Variants in RYR1 observed in about 807,000 individuals in gnomAD.
RYR1 encodes the protein central core disease of muscle.
In RYR1, 342 loss-of-function variants were observed where a neutral mutation model predicts 583.5. The ratio of observed to expected loss-of-function variants is 0.59; its 90% CI spans 0.54 to 0.64. The LOEUF (loss-of-function observed/expected upper bound fraction) is 0.64, where lower values mean the gene tolerates loss of function less well. RYR1 is among the 30% of genes least tolerant of loss of function. The pLI is 0.00. For synonymous variants in RYR1, 2,791 were observed against 2,822.5 expected (o/e 0.99, Z 0.35); for missense variants, 6,032 against 6,917.2 (o/e 0.87, Z 4.54).
intron 16 of RYR1, 108 bp downstream of exon 16, chr19:38,455,859 C>G (rs1967348935): frequency 1.7e-5 from 13 of 755,540 alleles, no homozygotes; most frequent in Non-Finnish European, 3.1e-5. Context: ...CATCTCATCT[C>G]TCACCTGTAC....
Position 38,572,015 on chromosome 19 carries a change from T to G in RYR1, c.13747-4T>G, listed in dbSNP as rs1287127447. On this transcript the variant is annotated splice_polypyrimidine_tract_variant and splice_region_variant and intron_variant, in intron 94 of 105. Coordinates refer to ENST00000359596, the MANE Select transcript of RYR1 (RefSeq NM_000540.3). ...CCACAGATGAATCTCTGTCCCCATT[T>G]CAGGTCTCAGACTCTCCACCAGGGG... 1.2e-6 allele frequency: 2 copies of G among 1,613,784 alleles called. No homozygotes were observed. Among genetic ancestry groups the G allele is most frequent in the African/African-American group, 1.3e-5 (1 of 74,898 alleles).
Position 38,500,788 on chromosome 19 carries a change from G to A in RYR1, c.7445-33G>A. 1 of 1,613,958 alleles carries A rather than the reference G, an allele frequency of 6.2e-7. No individual in the cohort carries two copies. The highest frequency in any genetic ancestry group is 8.5e-7 in the Non-Finnish European group (1 of 1,180,012). ...TGGGGAGGGAGCGGCTGGGTCCGCA[G>A]GGCATCCCCGAACCCACCCTCCCTG... On this transcript the variant is annotated intron_variant, in intron 46 of 105. Transcript: ENST00000359596. The surrounding 1 kb of genome is among the most constrained non-coding windows in gnomAD (Gnocchi z 5.9).
Position 38,442,467 on chromosome 19 carries a change from CT to C in RYR1, c.270+15del, listed in dbSNP as rs1370760563. On this transcript the variant is annotated intron_variant, in intron 3 of 105. Coordinates refer to ENST00000359596, the MANE Select transcript of RYR1 (RefSeq NM_000540.3). ...GCTGGCGTGGAGGTGAGGACCCCAC[CT>C]GGGGGTGGGCGGGGTGGCAGAGATG... The C allele has an allele frequency of 6.2e-7, 1 of 1,601,516 alleles. No individual in the cohort carries two copies. The highest frequency in any genetic ancestry group is 1.3e-5 in the African/African-American group (1 of 74,522).
chr19:38,570,457 T>A, intron 93 of RYR1, 150 bp from the exon 94 acceptor site: 6 of 331,822 alleles, frequency 1.8e-5, no homozygotes, highest in East Asian at 6.5e-5. Context: ...GTCTCAAAAA[T>A]AATAATAATA....
In RYR1 at chr19:38,466,103, C is replaced by T. The variant is rs1168004896; in HGVS notation, c.2883C>T (p.Ser961=). ...KTKLPKTYMM[S]NGYKPAPLDL... is the part of the protein sequence containing the mutation. ...ACCATGCCCGCAGGTATATGATGAGCAATGGGTACAAGCCGGCTCCGCTGG... is the reference window on the plus strand; with the variant it reads ...ACCATGCCCGCAGGTATATGATGAGTAATGGGTACAAGCCGGCTCCGCTGG... The change falls in exon 24 of 106, where the codon AGC becomes AGT. Residue 961 remains serine (S), a synonymous_variant. Transcript: ENST00000359596. 1 of 1,610,644 alleles carries T rather than the reference C, an allele frequency of 6.2e-7. No homozygotes were observed.
In RYR1 at chr19:38,485,716, C is replaced by T. The variant is rs1287517085; in HGVS notation, c.5061C>T (p.His1687=). ...GCGTGGCGCACGCTCTGTGCAGCCA[C>T]GTAGACCAAGCTCAGCTGCTGCACG... ...NNRVAHALCS[H]VDQAQLLHAL... is the part of the protein sequence containing the mutation. The change falls in exon 34 of 106, where the codon CAC becomes CAT. Residue 1687 remains histidine (H), a synonymous_variant. Coordinates refer to ENST00000359596, the MANE Select transcript of RYR1 (RefSeq NM_000540.3). 4.3e-6 allele frequency: 7 copies of T among 1,612,166 alleles called. No individual in the cohort carries two copies. Among genetic ancestry groups the T allele is most frequent in the Admixed American group, 1.7e-5 (1 of 59,998 alleles).
intron 66 of RYR1, among the ~76,000 whole-genome samples, chr19:38,517,954 C>A (rs1368001519): frequency 6.6e-6 from 1 of 152,064 alleles, no homozygotes; most frequent in Non-Finnish European, 1.5e-5. Context: ...AAAAACAAAA[C>A]AAAACTTTTT....
At chr19:38,571,616 G>A (rs1356330429) in intron 94 of RYR1, among the ~76,000 whole-genome samples, 6 of 152,294 alleles carry the variant, frequency 3.9e-5, no homozygotes, top group Admixed American at 2.0e-4. Flanking sequence ...CAGCCTAGGT[G>A]ACAAGAGTGA....
In RYR1 at chr19:38,505,830, A is replaced by G. The variant is rs1460847357; in HGVS notation, c.8425A>G (p.Ile2809Val). ...GGACAAAGAGATTTACCGCTGGCCC[A>G]TCAAGGAGTCCCTGAAGGCCATGAT... is the stretch of plus-strand genomic sequence containing the variant. The part of the protein sequence containing the change: ...EKDKEIYRWP[I>V]KESLKAMIAW... The change falls in exon 54 of 106, where the codon ATC becomes GTC. Residue 2809 changes from isoleucine to valine, a missense_variant. By Grantham distance (29) the Ile-to-Val change is conservative. Transcript: ENST00000359596. 1 of 1,614,032 alleles carries G rather than the reference A, an allele frequency of 6.2e-7. No individual in the cohort carries two copies. The highest frequency in any genetic ancestry group is 1.3e-5 in the African/African-American group (1 of 74,906).
At chr19:38,513,109 G>A (rs1970803444) in intron 63 of RYR1, among the ~76,000 whole-genome samples, 2 of 148,012 alleles carry the variant, frequency 1.4e-5, no homozygotes, top group African/African-American at 2.5e-5. Flanking sequence ...AGGCCAAGGC[G>A]GACAGATCAC....
At chr19:38,514,941 TG>T in intron 63 of RYR1, 84 bp from the exon 64 acceptor site, 1 of 872,276 alleles carries the variant, frequency 1.1e-6, no homozygotes, top group Non-Finnish European at 1.9e-6. Context: ...CCCCACTGCA[TG>T]GGCCTATTTG....
At chr19:38,492,785 G>A (rs1010029023) in intron 38 of RYR1, 149 bp downstream of exon 38, 1 of 826,116 alleles carries the variant, frequency 1.2e-6, no homozygotes, top group Middle Eastern at 3.6e-4. Context: ...CGGGCAAAGT[G>A]GAAGCAGGCG....
intron 81 of RYR1, 82 bp from the exon 82 acceptor site, chr19:38,535,915 T>C (rs1473788289): frequency 4.7e-6 from 6 of 1,263,424 alleles, no homozygotes; most frequent in Non-Finnish European, 6.9e-6. Flanking sequence ...CAGGCTACCA[T>C]GGTGGGGAGC....
chr19:38,473,429 A>G lies in RYR1; in HGVS notation c.3818A>G (p.His1273Arg), dbSNP rs766568774. 1.2e-6 allele frequency: 2 copies of G among 1,613,626 alleles called. No homozygotes were observed. Among genetic ancestry groups the G allele is most frequent in the East Asian group, 2.2e-5 (1 of 44,834 alleles). ...ACGCCCCCCTGCCTGCGCCTGACCCACCGCACCTGGGGCTCCCAGAACAGC... is the reference window on the plus strand; with the variant it reads ...ACGCCCCCCTGCCTGCGCCTGACCCGCCGCACCTGGGGCTCCCAGAACAGC... ...VDTPPCLRLT[H>R]RTWGSQNSLV... Residue 1273 changes from histidine to arginine, a missense_variant, in exon 28 of 106, where the codon CAC (histidine) becomes CGC (arginine). Physicochemically the swap from His to Arg is conservative, Grantham distance 29. This residue lies in a region of RYR1 where 2,627 missense variants were observed against 2,961.3 expected (regional missense o/e 0.89). Transcript: ENST00000359596.
At position 38,512,423 on chromosome 19, in the gene RYR1, C is replaced by T; in HGVS notation, c.9412C>T (p.Pro3138Ser). The change falls in exon 63 of 106, where the codon CCG (proline) becomes TCG (serine). Residue 3138 changes from proline (P) to serine (S), a missense_variant. Coordinates refer to ENST00000359596, the MANE Select transcript of RYR1 (RefSeq NM_000540.3). This position sits in a 1 kb window ranked among gnomAD's most constrained non-coding sequence, Gnocchi z 5.1. Reference sequence around the variant, plus strand: ...CACCTACACCACTGTGGCACTGCTGCCGGTCCTCACCACCCTCTTCCAGCA... The same window carrying T: ...CACCTACACCACTGTGGCACTGCTGTCGGTCCTCACCACCCTCTTCCAGCA... ...NLTYTTVALLPVLTTLFQHIA... is the reference protein window; with the variant it reads ...NLTYTTVALLSVLTTLFQHIA... 6.2e-7 allele frequency: 1 copy of T among 1,613,818 alleles called. No individual in the cohort carries two copies. The highest frequency in any genetic ancestry group is 8.5e-7 in the Non-Finnish European group (1 of 1,180,028).
chr19:38,569,049 T>G (rs558528221), intron 93 of RYR1, among the ~76,000 whole-genome samples: 1 of 151,896 alleles, frequency 6.6e-6, no homozygotes, highest in Non-Finnish European at 1.5e-5. Context: ...CTCGCTCTGT[T>G]GCCCAGGTTG....
chr19:38,492,351 A>T, intron 37 of RYR1, 139 bp from the exon 38 acceptor site: 4 of 908,872 alleles, frequency 4.4e-6, no homozygotes, highest in Non-Finnish European at 6.7e-6. Flanking sequence ...ACAGAACAAG[A>T]CACTGTCTCA....
Position 38,577,966 on chromosome 19 carries a change from C to G in RYR1, c.14221C>G (p.Leu4741Val), listed in dbSNP as rs1295470061. ...DIYGRERIAELLGMDLATLEI... is the reference protein window; with the variant it reads ...DIYGRERIAEVLGMDLATLEI... ...CTACGGGCGGGAGCGGATTGCTGAG[C>G]TACTGGGCATGGACCTGGCCACACT... Residue 4741 changes from leucine (L) to valine (V), a missense_variant, in exon 98 of 106, where the codon CTA (leucine) becomes GTA (valine). Leu to Val is a conservative substitution (Grantham distance 32, BLOSUM62 1). Transcript: ENST00000359596. The G allele has an allele frequency of 1.2e-6, 2 of 1,614,080 alleles. No homozygotes were observed. The highest frequency in any genetic ancestry group is 1.7e-6 in the Non-Finnish European group (2 of 1,180,006).
chr19:38,587,532 C>A lies in RYR1; in HGVS notation c.*112C>A. The A allele has an allele frequency of 1.2e-6, 1 of 835,698 alleles. No individual in the cohort carries two copies. Among genetic ancestry groups the A allele is most frequent in the Non-Finnish European group, 2.0e-6 (1 of 490,268 alleles). 51.8% of individuals were successfully genotyped at this position (835,698 alleles called of 1,614,324 possible). ...CAGCTGGGGGAGAGGTGACCTAGTA[C>A]TGGAAAATAAATCTGTGCTACGCCC... is the stretch of plus-strand genomic sequence containing the variant. On this transcript the variant is annotated 3_prime_UTR_variant, in exon 106 of 106. Coordinates refer to ENST00000359596, the MANE Select transcript of RYR1 (RefSeq NM_000540.3).
Sources: allele counts gnomAD v4.1 joint callset (sites outside exome capture counted in the v4.1 genomes callset), GRCh38; gene constraint gnomAD v4.1.1; regional missense constraint gnomAD v4.1.1; non-coding constraint Gnocchi (gnomAD v3.1); transcripts MANE v1.5; gene names NCBI Gene and HGNC (gene_info 2026-07-23, HGNC 2026-07-21).